The following DNAH10 variants were observed in gnomAD, a reference collection of about 807,000 sequenced individuals.
DNAH10 encodes the protein dynein axonemal heavy chain 10.
Under a neutral mutation model 506.6 loss-of-function variants are expected in DNAH10, and 348 were observed. That is an observed-to-expected ratio of 0.69 (90% confidence interval 0.63 to 0.75). The LOEUF (loss-of-function observed/expected upper bound fraction) is 0.75. DNAH10 is among the 30% of genes least tolerant of loss of function. The pLI, the probability that DNAH10 is intolerant of heterozygous loss-of-function variation, is 0.00. For synonymous variants in DNAH10, 2,059 were observed against 2,198.6 expected (o/e 0.94, Z 1.78); for missense variants, 5,179 against 5,787.1 (o/e 0.89, Z 3.41).
At position 123,917,464 on chromosome 12, in the gene DNAH10, C is replaced by A. The variant is rs1475385646; in HGVS notation, c.11003-120C>A. On this transcript the variant is annotated intron_variant, in intron 63 of 78. Transcript: ENST00000673944. This position sits in a 1 kb window ranked among gnomAD's most constrained non-coding sequence, Gnocchi z 5.6. ...AGAGTGACTTTGGTGGGCAGTGAAT[C>A]CTCGTGCCTCTGGCCTGCTGGCTGA... 6.1e-6 allele frequency: 6 copies of A among 988,216 alleles called. No homozygotes were observed. Among genetic ancestry groups the A allele is most frequent in the Non-Finnish European group, 8.9e-6 (6 of 673,416 alleles). The allele number at this position is 988,216 out of a possible 1,614,324, so 61.2% of individuals were successfully genotyped here.
chr12:123,914,924 C>A lies in DNAH10; in HGVS notation c.10647C>A (p.Arg3549=). The A allele has an allele frequency of 6.2e-7, 1 of 1,613,316 alleles. No homozygotes were observed. Among genetic ancestry groups the A allele is most frequent in the Non-Finnish European group, 8.5e-7 (1 of 1,179,666 alleles). The change falls in exon 62 of 79, where the codon CGC becomes CGA. Residue 3549 remains arginine (R), a synonymous_variant. Coordinates refer to ENST00000673944, the MANE Select transcript of DNAH10 (RefSeq NM_001372106.1). ...GCATCCTCACCACCCGGGCCAGCCG[C>A]TTCCCTCTGTGTATCGACCCCCAGC... The part of the protein sequence containing the change: ...QNGILTTRAS[R]FPLCIDPQQQ...
chr12:123,799,344 T>C lies in DNAH10; in HGVS notation c.2262T>C (p.Ala754=), dbSNP rs550691501. Residue 754 remains alanine (A), a synonymous_variant, in exon 14 of 79, where the codon GCT becomes GCC. Transcript: ENST00000673944. ...WMEVTEQVLP[A]LMKKSLLTKS... ...AGGTGACGGAGCAGGTGCTGCCAGC[T>C]CTCATGAAGAAGAGCCTTTTGACCA... 36 of 1,611,974 alleles carry C rather than the reference T, an allele frequency of 2.2e-5. No homozygotes were observed. The South Asian group carries it at 3.7e-4, about 17-fold the overall frequency.
intron 2 of DNAH10, among the ~76,000 whole-genome samples, chr12:123,771,261 C>T (rs929218599): frequency 3.3e-5 from 5 of 152,166 alleles, no homozygotes; most frequent in Non-Finnish European, 5.9e-5. Context: ...TGAGCCACTG[C>T]GCCTGGACTG....
Position 123,857,180 on chromosome 12 carries a change from A to G in DNAH10, c.6563A>G (p.Tyr2188Cys), listed in dbSNP as rs746246520. The G allele has an allele frequency of 5.6e-6, 9 of 1,608,936 alleles. No homozygotes were observed. In the East Asian group the frequency reaches 1.8e-4, roughly 32 times the overall value. ...FPGLDCPRVRYPDFNDAVEQV... is the reference protein window; with the variant it reads ...FPGLDCPRVRCPDFNDAVEQV... Reference sequence around the variant, plus strand: ...GGGCTGGACTGCCCTCGCGTCCGCTACCCTGACTTCAACGATGCGGTAGAG... The same window carrying G: ...GGGCTGGACTGCCCTCGCGTCCGCTGCCCTGACTTCAACGATGCGGTAGAG... The change falls in exon 37 of 79, where the codon TAC becomes TGC. Residue 2188 changes from tyrosine to cysteine, a missense_variant. Transcript: ENST00000673944.
chr12:123,931,919 G>C, intron 75 of DNAH10, 22 bp from the exon 76 acceptor site: 1 of 1,613,746 alleles, frequency 6.2e-7, no homozygotes, highest in Non-Finnish European at 8.5e-7. Flanking sequence ...AGTCCTGCCC[G>C]ATTGCTCTTG....
At chr12:123,792,757 G>A (rs373457674) in intron 11 of DNAH10, among the ~76,000 whole-genome samples, 1 of 152,078 alleles carries the variant, frequency 6.6e-6, no homozygotes, top group Non-Finnish European at 1.5e-5. Flanking sequence ...CACCACACCC[G>A]GCCAGCTTGT....
chr12:123,870,455 GC>G lies in DNAH10; in HGVS notation c.7614del (p.Glu2539ArgfsTer52). 6.2e-7 allele frequency: 1 copy of G among 1,613,688 alleles called. No homozygotes were observed. Among genetic ancestry groups the G allele is most frequent in the Middle Eastern group, 1.6e-4 (1 of 6,062 alleles). On this transcript the variant is annotated frameshift_variant, in exon 44 of 79. Transcript: ENST00000673944. LOFTEE classifies it high-confidence loss of function. ...WSKLVPEYIH[A>X]PERKFINILV... The stretch of plus-strand genomic sequence containing the variant: ...TAAATTAGTTCCAGAGTATATTCAT[GC>G]CCCCGAGAGGAAATTCATCAACATC...
At chr12:123,880,622 G>A (rs545580052) in intron 50 of DNAH10, among the ~76,000 whole-genome samples, 17 of 151,282 alleles carry the variant, frequency 1.1e-4, no homozygotes, top group Middle Eastern at 3.5e-3. Flanking sequence ...TGGGATTATA[G>A]GCATGAGCCA....
chr12:123,766,998 T>C (rs113739564), intron 1 of DNAH10, among the ~76,000 whole-genome samples: 54,250 of 150,400 alleles, frequency 0.36, 12,021 homozygotes, highest in African/African-American at 0.63. Flanking sequence ...CTCCGCCTCT[T>C]GGGCTCAAGT....
intron 54 of DNAH10, among the ~76,000 whole-genome samples, chr12:123,897,035 G>A (rs576522960): frequency 3.3e-5 from 5 of 152,180 alleles, no homozygotes; most frequent in African/African-American, 1.2e-4. Flanking sequence ...TGGCAACCTC[G>A]AATCTGTGTT....
At position 123,804,957 on chromosome 12, in the gene DNAH10, C is replaced by T; in HGVS notation, c.2904C>T (p.Asn968=). ...TTGAGGGCCTGGTCGTCCACACCAACACAGGCAAGGCCCCCAAGCTGGCCT... is the reference window on the plus strand; with the variant it reads ...TTGAGGGCCTGGTCGTCCACACCAATACAGGCAAGGCCCCCAAGCTGGCCT... ...TKVEGLVVHT[N]TGKAPKLASY... is the part of the protein sequence containing the mutation. Residue 968 remains asparagine (N), a synonymous_variant, in exon 18 of 79, where the codon AAC becomes AAT. Coordinates refer to ENST00000673944, the MANE Select transcript of DNAH10 (RefSeq NM_001372106.1). The T allele has an allele frequency of 6.2e-7, 1 of 1,614,242 alleles. No homozygotes were observed. Among genetic ancestry groups the T allele is most frequent in the Non-Finnish European group, 8.5e-7 (1 of 1,180,060 alleles).
In DNAH10 at chr12:123,871,491, A is replaced by G. The variant is rs1214212649; in HGVS notation, c.7674A>G (p.Ile2558Met). 8 of 1,576,502 alleles carry G rather than the reference A, an allele frequency of 5.1e-6. No individual in the cohort carries two copies. Among genetic ancestry groups the G allele is most frequent in the Non-Finnish European group, 6.0e-6 (7 of 1,159,444 alleles). The change falls in exon 45 of 79, where the codon ATA (isoleucine) becomes ATG (methionine). Residue 2558 changes from isoleucine (I) to methionine (M), a missense_variant. Physicochemically the swap from Ile to Met is conservative, Grantham distance 10 (BLOSUM62 1). This residue lies in a region of DNAH10 where 4,844 missense variants were observed against 5,430.5 expected (regional missense o/e 0.89). Transcript: ENST00000673944. ...TGGATACCACTCGGACTACCTGGAT[A>G]TTGGAACAAATGGTTAAAATTAAGC... Reference protein sequence around the residue: ...HTVDTTRTTWILEQMVKIKQP... With the variant: ...HTVDTTRTTWMLEQMVKIKQP...
At chr12:123,852,993 A>G in intron 35 of DNAH10, among the ~76,000 whole-genome samples, 1 of 152,128 alleles carries the variant, frequency 6.6e-6, no homozygotes, top group Non-Finnish European at 1.5e-5. Context: ...GGTAACACAG[A>G]TGTTTCTTCA....
Position 123,907,355 on chromosome 12 carries a change from G to T in DNAH10, c.9816-1906G>T, listed in dbSNP as rs1953831557. Among the ~76,000 whole-genome samples the T allele has an allele frequency of 1.3e-5, 2 of 152,132 alleles. No homozygotes were observed. Among genetic ancestry groups the T allele is most frequent in the African/African-American group, 4.8e-5 (2 of 41,420 alleles). On this transcript the variant is annotated intron_variant, in intron 57 of 78. Coordinates refer to ENST00000673944, the MANE Select transcript of DNAH10 (RefSeq NM_001372106.1). The surrounding 1 kb of genome is among the most constrained non-coding windows in gnomAD (Gnocchi z 4.4). ...ATAAGGATTATTTTCCTCTAGGGAGGGTAGCATATCATTCTCCCTTTCTCA... is the reference window on the plus strand; with the variant it reads ...ATAAGGATTATTTTCCTCTAGGGAGTGTAGCATATCATTCTCCCTTTCTCA...
intron 55 of DNAH10, 151 bp from the exon 56 acceptor site, chr12:123,898,502 C>A: frequency 9.8e-7 from 1 of 1,020,114 alleles, no homozygotes; most frequent in Non-Finnish European, 1.4e-6. Flanking sequence ...GATGCTGTCC[C>A]AAGTATGGCA....
intron 42 of DNAH10, 134 bp from the exon 43 acceptor site, chr12:123,867,769 C>T: frequency 7.6e-7 from 1 of 1,317,636 alleles, no homozygotes; most frequent in South Asian, 1.5e-5. Context: ...ATACTGGGTT[C>T]CATCTGTCTG....
rs59542170 is a variant in DNAH10, at chr12:123,795,146, C to CAAA, written c.1986+1048_1986+1050dup. Among the ~76,000 whole-genome samples, 81 of 112,162 alleles carry CAAA rather than the reference C, an allele frequency of 7.2e-4. 1 individual carries two copies. The highest frequency in any genetic ancestry group is 6.1e-3 in the Admixed American group (59 of 9,622). 73.6% of individuals were successfully genotyped at this position (112,162 alleles called of 152,430 possible). A position where few individuals can be genotyped will look rare whatever the true frequency, so the allele number is the denominator to read the frequency against. ...CTGGGCGACGAGTGAAACTTCGTCTCAAAAAAAAAAAAAAAAGAAAAAAGA... is the reference window on the plus strand; with the variant it reads ...CTGGGCGACGAGTGAAACTTCGTCTCAAAAAAAAAAAAAAAAAAAGAAAAAAGA... On this transcript the variant is annotated intron_variant, in intron 12 of 78. Transcript: ENST00000673944.
chr12:123,789,356 T>C (rs183274198), intron 10 of DNAH10, among the ~76,000 whole-genome samples: 1 of 152,064 alleles, frequency 6.6e-6, no homozygotes, highest in East Asian at 1.9e-4. Context: ...ACTACCTCAG[T>C]GGTTTATCAT....
chr12:123,910,209 G>A (rs1954001127), intron 58 of DNAH10, among the ~76,000 whole-genome samples: 1 of 152,230 alleles, frequency 6.6e-6, no homozygotes, highest in African/African-American at 2.4e-5. Flanking sequence ...GAGGGTGCGG[G>A]TGAAGGTAAC....
Sources: gnomAD v4.1 joint callset for allele counts (sites outside exome capture counted in the v4.1 genomes callset) on GRCh38, gnomAD v4.1.1 for gene constraint, gnomAD v4.1.1 regional missense constraint, Gnocchi (gnomAD v3.1) non-coding constraint, MANE v1.5 for transcripts, NCBI Gene and HGNC (gene_info 2026-07-23, HGNC 2026-07-21) for gene names.